The following SMAD1 variants were observed in gnomAD, a reference collection of about 807,000 sequenced individuals.
The protein encoded by SMAD1 is SMAD family member 1.
SMAD1 carries 6 observed loss-of-function variants against 41.6 expected under a neutral mutation model. The observed-to-expected ratio is 0.14, with a 90% CI of 0.08 to 0.28. The LOEUF (loss-of-function observed/expected upper bound fraction) is 0.28. SMAD1 is among the 10% of genes least tolerant of loss of function. The pLI, the probability that SMAD1 is intolerant of heterozygous loss-of-function variation, is 1.00. For missense variants in SMAD1, 379 were observed against 582.6 expected (o/e 0.65, Z 3.60); for synonymous variants, 206 against 203.2 (o/e 1.01, Z -0.12).
At position 145,558,283 on chromosome 4, in the gene SMAD1, A is replaced by C. The variant is rs1201836522; in HGVS notation, c.*349A>C. On this transcript the variant is annotated 3_prime_UTR_variant, in exon 7 of 7. Coordinates refer to ENST00000302085, the MANE Select transcript of SMAD1 (RefSeq NM_005900.3). The stretch of plus-strand genomic sequence containing the variant: ...CCTAAGAGATTCTTTGGTGTTTGGC[A>C]CTTTAAGGTCATCGTTGGGCAGAAG... Among the ~76,000 whole-genome samples the C allele has an allele frequency of 1.3e-5, 2 of 152,192 alleles. No individual in the cohort carries two copies. The highest frequency in any genetic ancestry group is 2.9e-5 in the Non-Finnish European group (2 of 68,034).
intron 2 of SMAD1, among the ~76,000 whole-genome samples, chr4:145,523,459 A>T (rs1730865431): frequency 6.6e-6 from 1 of 152,236 alleles, no homozygotes; most frequent in South Asian, 2.1e-4. Context: ...AATAGAAAAG[A>T]ATTACTAATA....
chr4:145,547,331 TC>T (rs1478134215), intron 5 of SMAD1, among the ~76,000 whole-genome samples: 1 of 152,126 alleles, frequency 6.6e-6, no homozygotes, highest in East Asian at 1.9e-4. Flanking sequence ...AGCACAAACA[TC>T]GTGCAAGGTG....
At chr4:145,507,752 T>G (rs1387055412) in intron 1 of SMAD1, among the ~76,000 whole-genome samples, 2 of 152,120 alleles carry the variant, frequency 1.3e-5, no homozygotes, top group African/African-American at 4.8e-5. Context: ...CATGTTTTTA[T>G]TTTGCACTTT....
chr4:145,527,372 C>T (rs898960582), intron 2 of SMAD1, among the ~76,000 whole-genome samples: 56 of 152,042 alleles, frequency 3.7e-4, no homozygotes, highest in Middle Eastern at 3.4e-3. Context: ...TACAGGCGCC[C>T]GCCACTACGC....
chr4:145,557,009 A>G (rs1472583051), intron 6 of SMAD1, among the ~76,000 whole-genome samples: 1 of 151,206 alleles, frequency 6.6e-6, no homozygotes, highest in Admixed American at 6.6e-5. Context: ...ACGGGAGTAG[A>G]TAGATAGCAG....
rs186498293 is a variant in SMAD1, at chr4:145,549,154, G to A, written c.997+2230G>A. Among the ~76,000 whole-genome samples the A allele has an allele frequency of 1.1e-4, 16 of 152,256 alleles. No homozygotes were observed. The South Asian group carries it at 1.7e-3, about 16-fold the overall frequency. On this transcript the variant is annotated intron_variant, in intron 5 of 6. Coordinates refer to ENST00000302085, the MANE Select transcript of SMAD1 (RefSeq NM_005900.3). The stretch of plus-strand genomic sequence containing the variant: ...AGATTAAAAGCAGTTAAAGAGATAT[G>A]ACACCTGCATGCAATATCTGACCCT...
chr4:145,488,158 G>T (rs1215918516), intron 1 of SMAD1, among the ~76,000 whole-genome samples: 1 of 151,826 alleles, frequency 6.6e-6, no homozygotes, highest in Non-Finnish European at 1.5e-5. Context: ...TTGCAGTATA[G>T]ATTGGTTTCT....
intron 1 of SMAD1, among the ~76,000 whole-genome samples, chr4:145,511,395 C>T (rs1043311425): frequency 6.6e-6 from 1 of 152,162 alleles, no homozygotes; most frequent in South Asian, 2.1e-4. Flanking sequence ...GCCTCTGCCC[C>T]CTGAGTGGCT....
At chr4:145,485,969 A>G (rs1728460673) in intron 1 of SMAD1, among the ~76,000 whole-genome samples, 1 of 152,206 alleles carries the variant, frequency 6.6e-6, no homozygotes, top group Non-Finnish European at 1.5e-5. Flanking sequence ...TATGATTTCT[A>G]ATCTTACCTG....
In SMAD1 at chr4:145,515,005, A is replaced by G. The variant is rs1210509263; in HGVS notation, c.392A>G (p.Glu131Gly). The G allele has an allele frequency of 1.2e-6, 2 of 1,603,848 alleles. No homozygotes were observed. The highest frequency in any genetic ancestry group is 1.1e-5 in the South Asian group (1 of 89,858). Residue 131 changes from glutamate to glycine, a missense_variant, in exon 2 of 7, where the codon GAA (glutamate) becomes GGA (glycine). Physicochemically the swap from Glu to Gly is moderately conservative, Grantham distance 98 (BLOSUM62 -2). Transcript: ENST00000302085. ...CINPYHYKRV[E>G]SPVLPPVLVP... ...AATCCCTACCACTATAAGAGAGTAG[A>G]AAGCCCTGGTAAGTGAGTTATTTTA...
At chr4:145,549,234 A>G (rs1732422311) in intron 5 of SMAD1, among the ~76,000 whole-genome samples, 1 of 152,208 alleles carries the variant, frequency 6.6e-6, no homozygotes, top group Non-Finnish European at 1.5e-5. Context: ...AAGGGACATT[A>G]TTGAGATCAG....
rs79389554 is a variant in SMAD1, at chr4:145,558,740, C to T, written c.*806C>T. On this transcript the variant is annotated 3_prime_UTR_variant, in exon 7 of 7. Coordinates refer to ENST00000302085, the MANE Select transcript of SMAD1 (RefSeq NM_005900.3). ...AGATTTTTATCATTTTTTTCTCTCTCGGCATTCTTTTTTCTCATACTCTTC... is the reference window on the plus strand; with the variant it reads ...AGATTTTTATCATTTTTTTCTCTCTTGGCATTCTTTTTTCTCATACTCTTC... 0.035 allele frequency among the ~76,000 whole-genome samples: 5,383 copies of T among 151,784 alleles called. 149 individuals are homozygous for T. Among genetic ancestry groups the T allele is most frequent in the Middle Eastern group, 0.078 (23 of 294 alleles).
At chr4:145,496,060 A>G (rs552620960) in intron 1 of SMAD1, among the ~76,000 whole-genome samples, 3 of 152,138 alleles carry the variant, frequency 2.0e-5, no homozygotes, top group Non-Finnish European at 4.4e-5. Context: ...GTCTTATTCT[A>G]AGCTCTTTAG....
rs770267997 is a variant in SMAD1 at position 145,514,960 on chromosome 4, A to G, written c.347A>G (p.Lys116Arg). 5 of 1,613,928 alleles carry G rather than the reference A, an allele frequency of 3.1e-6. No homozygotes were observed. The highest frequency in any genetic ancestry group is 3.4e-6 in the Non-Finnish European group (4 of 1,180,000). ...TGCTGTGAGTTTCCTTTTGGTTCCA[A>G]GCAGAAGGAGGTCTGCATCAATCCC... ...LECCEFPFGS[K>R]QKEVCINPYH... The change falls in exon 2 of 7, where the codon AAG (lysine) becomes AGG (arginine). Residue 116 changes from lysine (K) to arginine (R), a missense_variant. This residue lies in a region of SMAD1 where 64 missense variants were observed against 153.9 expected (regional missense o/e 0.42). Coordinates refer to ENST00000302085, the MANE Select transcript of SMAD1 (RefSeq NM_005900.3). This position sits in a 1 kb window ranked among gnomAD's most constrained non-coding sequence, Gnocchi z 4.7.
intron 3 of SMAD1, 98 bp from the exon 4 acceptor site, chr4:145,542,484 A>G (rs990189660): frequency 2.1e-5 from 14 of 657,414 alleles, no homozygotes; most frequent in Non-Finnish European, 3.3e-5. Flanking sequence ...TGAAATGACA[A>G]CTTGATCTCT....
Position 145,559,066 on chromosome 4 carries a change from T to C in SMAD1, c.*1132T>C, listed in dbSNP as rs1303553599. Among the ~76,000 whole-genome samples the C allele has an allele frequency of 6.6e-6, 1 of 152,210 alleles. No individual in the cohort carries two copies. The highest frequency in any genetic ancestry group is 2.4e-5 in the African/African-American group (1 of 41,460). On this transcript the variant is annotated 3_prime_UTR_variant, in exon 7 of 7. Transcript: ENST00000302085. ...GTTTTATTTTCCTTCTGTTAATCTT[T>C]TGTATTCACTTATGCTCTCGTACAT...
At chr4:145,557,670 G>T in intron 6 of SMAD1, 121 bp from the exon 7 acceptor site, 1 of 662,890 alleles carries the variant, frequency 1.5e-6, no homozygotes. Context: ...AGGGGCGGGG[G>T]GGTCAGGGAG....
In SMAD1 at chr4:145,482,333, T is replaced by C. The variant is rs917172503; in HGVS notation, c.-177+295T>C. On this transcript the variant is annotated intron_variant, in intron 1 of 6. Transcript: ENST00000302085. This position sits in a 1 kb window ranked among gnomAD's most constrained non-coding sequence, Gnocchi z 4.2. ...CCCCTGGTGTCTTTGTTGGGTCTTCTGCTGTGGGAAGCCCAGTTCCCGGGC... is the reference window on the plus strand; with the variant it reads ...CCCCTGGTGTCTTTGTTGGGTCTTCCGCTGTGGGAAGCCCAGTTCCCGGGC... 6.6e-6 allele frequency among the ~76,000 whole-genome samples: 1 copy of C among 151,330 alleles called. No individual in the cohort carries two copies. Among genetic ancestry groups the C allele is most frequent in the African/African-American group, 2.4e-5 (1 of 41,252 alleles).
At chr4:145,513,568 C>A (rs1730209500) in intron 1 of SMAD1, among the ~76,000 whole-genome samples, 1 of 152,078 alleles carries the variant, frequency 6.6e-6, no homozygotes, top group African/African-American at 2.4e-5. Context: ...CCTATTTGTC[C>A]TGTAGCCCAT....
Sources: allele counts gnomAD v4.1 joint callset (sites outside exome capture counted in the v4.1 genomes callset), GRCh38; gene constraint gnomAD v4.1.1; regional missense constraint gnomAD v4.1.1; non-coding constraint Gnocchi (gnomAD v3.1); transcripts MANE v1.5; gene names NCBI Gene and HGNC (gene_info 2026-07-23, HGNC 2026-07-21).